TOP3A: variants seen among roughly 807,000 people sequenced by gnomAD.
TOP3A encodes DNA topoisomerase 3-alpha.
Under a neutral mutation model 111.3 loss-of-function variants are expected in TOP3A, and 64 were observed. The observed-to-expected ratio is 0.57, with a 90% CI of 0.47 to 0.71. TOP3A has a LOEUF of 0.71. TOP3A is among the 30% of genes least tolerant of loss of function. The pLI is 0.00. For missense variants in TOP3A, 1,104 were observed against 1,285.0 expected, an observed-to-expected ratio of 0.86 and a Z score of 2.15; for synonymous variants, 484 against 485.1, an observed-to-expected ratio of 1.00 and a Z score of 0.03.
chr17:18,283,401 T>G (rs548959751), intron 15 of TOP3A, among the ~76,000 whole-genome samples: 3 of 151,816 alleles, frequency 2.0e-5, no homozygotes, highest in Non-Finnish European at 2.9e-5. Flanking sequence ...ACAGGGTCCA[T>G]GTACAAACTC....
chr17:18,282,943 C>A, intron 15 of TOP3A, 102 bp from the exon 16 acceptor site: 2 of 1,476,116 alleles, frequency 1.4e-6, no homozygotes, highest in Non-Finnish European at 1.8e-6. Context: ...TGAGAACCAG[C>A]TGGTCAGTGA....
intron 18 of TOP3A, among the ~76,000 whole-genome samples, chr17:18,276,913 C>T (rs555591402): frequency 6.6e-6 from 1 of 152,248 alleles, no homozygotes; most frequent in Admixed American, 6.5e-5. Context: ...GGGCCAGGCA[C>T]GGTGGCTCAC....
At chr17:18,286,539 C>CA (rs1360605372) in intron 13 of TOP3A, among the ~76,000 whole-genome samples, 1 of 151,656 alleles carries the variant, frequency 6.6e-6, no homozygotes, top group Non-Finnish European at 1.5e-5. Context: ...AAAAAACAAC[C>CA]AAAAAAACCA....
chr17:18,280,656 A>C lies in TOP3A; in HGVS notation c.2024T>G (p.Phe675Cys). The change falls in exon 17 of 19, where the codon TTC becomes TGC. Residue 675 changes from phenylalanine to cysteine, a missense_variant and splice_region_variant. By Grantham distance (205) the Phe-to-Cys change is radical. Transcript: ENST00000321105. ...MVLKTKKNGG[F>C]YLSCMGFPEC... ...TGGGAAACCCATGCAGCTGAGGTAGAACCTGGGGACAAAGTGCCATGTCAG... is the reference window on the plus strand; with the variant it reads ...TGGGAAACCCATGCAGCTGAGGTAGCACCTGGGGACAAAGTGCCATGTCAG... 6.2e-7 allele frequency: 1 copy of C among 1,614,034 alleles called. No homozygotes were observed. The highest frequency in any genetic ancestry group is 8.5e-7 in the Non-Finnish European group (1 of 1,179,928).
rs111738143 is a variant in TOP3A, at chr17:18,306,875, T to C, written c.390+16A>G. ...GTGGTTTGACTCAGTGCCATATGTC[T>C]TCCAAAAGACCCTACCTTGATGTCT... On this transcript the variant is annotated intron_variant, in intron 4 of 18. Transcript: ENST00000321105. 2 of 1,578,858 alleles carry C rather than the reference T, an allele frequency of 1.3e-6. No homozygotes were observed. Among genetic ancestry groups the C allele is most frequent in the Non-Finnish European group, 1.7e-6 (2 of 1,148,472 alleles).
chr17:18,313,040 G>A (rs1597992878), intron 1 of TOP3A: 1 of 152,362 alleles, frequency 6.6e-6, no homozygotes, highest in African/African-American at 2.4e-5. Flanking sequence ...AACCCGGGAG[G>A]CGGAGGTTGC....
At position 18,281,116 on chromosome 17, in the gene TOP3A, C is replaced by T. The variant is rs146530038; in HGVS notation, c.2022-458G>A. On this transcript the variant is annotated intron_variant, in intron 16 of 18. Transcript: ENST00000321105. ...TGTGACAAAGCCTCACCTGCAACAT[C>T]TACACCCCACCCACTGCCCATCCAT... Among the ~76,000 whole-genome samples the T allele has an allele frequency of 5.0e-4, 76 of 152,350 alleles. 2 individuals carry two copies. The East Asian group carries it at 0.014, about 28-fold the overall frequency.
At chr17:18,291,872 T>G (rs1980497390) in intron 11 of TOP3A, among the ~76,000 whole-genome samples, 1 of 152,008 alleles carries the variant, frequency 6.6e-6, no homozygotes, top group African/African-American at 2.4e-5. Context: ...TGCCACCCCG[T>G]CCAACTAATT....
chr17:18,301,954 T>G lies in TOP3A; in HGVS notation c.846A>C (p.Glu282Asp). Residue 282 changes from glutamate to aspartate, a missense_variant, in exon 8 of 19, where the codon GAA becomes GAC. Coordinates refer to ENST00000321105, the MANE Select transcript of TOP3A (RefSeq NM_004618.5). ...AGAGTCGATGCCTTTTCCAGTTGAA[T>G]TCTACGATACCATCTTTGTGGTCAT... ...VTHDHKDGIV[E>D]FNWKRHRLFN... The G allele has an allele frequency of 6.2e-7, 1 of 1,614,202 alleles. No individual in the cohort carries two copies. Among genetic ancestry groups the G allele is most frequent in the East Asian group, 2.2e-5 (1 of 44,888 alleles).
Position 18,273,702 on chromosome 17 carries a change from T to C in TOP3A, c.*1100A>G, listed in dbSNP as rs1045547553. 3.3e-5 allele frequency among the ~76,000 whole-genome samples: 5 copies of C among 152,224 alleles called. No individual in the cohort carries two copies. Among genetic ancestry groups the C allele is most frequent in the Admixed American group, 6.5e-5 (1 of 15,280 alleles). On this transcript the variant is annotated 3_prime_UTR_variant, in exon 19 of 19. Transcript: ENST00000321105. ...TGGAGTGCAGTGGTGTGATCATGGC[T>C]TGCTGCAGCCTCAAACTCTTGGGTT...
In TOP3A at chr17:18,299,571, G is replaced by A; in HGVS notation, c.978C>T (p.Ala326=). ...GTCTGGAACATACCACAGTGTCCAA[G>A]GCTTGAGGCCGCCACTTGCTCTTGG... The part of the protein sequence containing the change: ...SKPKSKWRPQ[A]LDTVELEKLA... Residue 326 remains alanine, a synonymous_variant, in exon 9 of 19, where the codon GCC becomes GCT. Transcript: ENST00000321105. 1 of 1,614,030 alleles carries A rather than the reference G, an allele frequency of 6.2e-7. No homozygotes were observed. The highest frequency in any genetic ancestry group is 8.5e-7 in the Non-Finnish European group (1 of 1,179,918).
chr17:18,312,215 G>C (rs535311227), intron 1 of TOP3A: 1 of 152,470 alleles, frequency 6.6e-6, no homozygotes, highest in Non-Finnish European at 1.5e-5. Context: ...AAGAGACAGA[G>C]CAAGGGATGA....
rs1979090433 is a variant in TOP3A, at chr17:18,272,981, T to C, written c.*1821A>G. 2 of 152,070 alleles carry C rather than the reference T, an allele frequency of 1.3e-5. No individual in the cohort carries two copies. The highest frequency in any genetic ancestry group is 2.9e-5 in the Non-Finnish European group (2 of 68,044). 9.4% of individuals were successfully genotyped at this position (152,070 alleles called of 1,614,324 possible). ...GGTATGATTCCATTTAAACAAAATA[T>C]CCAGAGTAGGTAAACCCACAGAGAC... On this transcript the variant is annotated 3_prime_UTR_variant, in exon 19 of 19. Coordinates refer to ENST00000321105, the MANE Select transcript of TOP3A (RefSeq NM_004618.5).
chr17:18,310,111 T>C (rs1043464622), intron 1 of TOP3A, among the ~76,000 whole-genome samples: 2 of 152,100 alleles, frequency 1.3e-5, no homozygotes, highest in Non-Finnish European at 2.9e-5. Context: ...ATCCATATGA[T>C]AGAATATTAT....
At chr17:18,309,637 G>A (rs1329922512) in intron 1 of TOP3A, among the ~76,000 whole-genome samples, 1 of 151,086 alleles carries the variant, frequency 6.6e-6, no homozygotes, top group Non-Finnish European at 1.5e-5. Flanking sequence ...GAGCGAGACT[G>A]TCTCAAAAAA....
rs11555081 is a variant in TOP3A at position 18,274,631 on chromosome 17, C to G, written c.*171G>C. ...CACTGTCCAGCAGAGCTGGCCTGCT[C>G]CAGAGTGATCTGGACCTTGTGCCCC... On this transcript the variant is annotated 3_prime_UTR_variant, in exon 19 of 19. Transcript: ENST00000321105. 0.11 allele frequency: 129,744 copies of G among 1,168,018 alleles called. 7,911 individuals are homozygous for G. The highest frequency in any genetic ancestry group is 0.18 in the East Asian group (6,863 of 38,174). The allele number at this position is 1,168,018 out of a possible 1,614,324, so 72.4% of individuals were successfully genotyped here.
intron 13 of TOP3A, among the ~76,000 whole-genome samples, chr17:18,289,478 T>C (rs1980332742): frequency 6.6e-6 from 1 of 152,210 alleles, no homozygotes; most frequent in South Asian, 2.1e-4. Context: ...TTTCACCATG[T>C]TGGTCAGGTT....
At position 18,280,642 on chromosome 17, in the gene TOP3A, T is replaced by C. The variant is rs763605138; in HGVS notation, c.2038A>G (p.Met680Val). The C allele has an allele frequency of 1.5e-5, 24 of 1,613,954 alleles. No individual in the cohort carries two copies. Among genetic ancestry groups the C allele is most frequent in the Non-Finnish European group, 5.1e-6 (6 of 1,179,960 alleles). Residue 680 changes from methionine to valine, a missense_variant, in exon 17 of 19, where the codon ATG (methionine) becomes GTG (valine). Transcript: ENST00000321105. ...GCTGAGCGACACTCTGGGAAACCCATGCAGCTGAGGTAGAACCTGGGGACA... is the reference window on the plus strand; with the variant it reads ...GCTGAGCGACACTCTGGGAAACCCACGCAGCTGAGGTAGAACCTGGGGACA... ...KKNGGFYLSCMGFPECRSAVW... is the reference protein window; with the variant it reads ...KKNGGFYLSCVGFPECRSAVW...
chr17:18,275,003 G>C (rs1300868353), intron 18 of TOP3A, 23 bp from the exon 19 acceptor site: 1 of 1,610,078 alleles, frequency 6.2e-7, no homozygotes, highest in South Asian at 1.1e-5. Flanking sequence ...TCAGGGGAGG[G>C]GTGAGGTTAG....
Sources: gnomAD v4.1 joint callset for allele counts (sites outside exome capture counted in the v4.1 genomes callset) on GRCh38, gnomAD v4.1.1 for gene constraint, MANE v1.5 for transcripts, NCBI Gene and HGNC (gene_info 2026-07-23, HGNC 2026-07-21) for gene names.